FGD5: variants seen among roughly 807,000 people sequenced by gnomAD.
FGD5 encodes the protein FYVE, RhoGEF and PH domain-containing protein 5.
In FGD5, 28 loss-of-function variants were observed where a neutral mutation model predicts 133.4. The observed-to-expected ratio is 0.21, with a 90% confidence interval of 0.16 to 0.29. The LOEUF (loss-of-function observed/expected upper bound fraction) is 0.29. Among genes scored for constraint, FGD5 ranks in the 10% least tolerant of loss-of-function variants. The pLI is 1.00. For synonymous variants in FGD5, 810 were observed against 776.5 expected (o/e 1.04, Z -0.72); for missense variants, 1,858 against 1,895.2 (o/e 0.98, Z 0.36).
In FGD5 at chr3:14,820,255, G is replaced by T. The variant is rs1164315046; in HGVS notation, c.1184G>T (p.Gly395Val). ...EENPMVGALC[G>V]QCGSLQGGAA... ...AACCCCATGGTGGGGGCTTTGTGTG[G>T]CCAGTGTGGCTCCCTACAGGGTGGA... The change falls in exon 1 of 20, where the codon GGC becomes GTC. Residue 395 changes from glycine to valine, a missense_variant. Physicochemically the swap from Gly to Val is moderately radical, Grantham distance 109. Coordinates refer to ENST00000285046, the MANE Select transcript of FGD5 (RefSeq NM_152536.4). 1 of 1,604,220 alleles carries T rather than the reference G, an allele frequency of 6.2e-7. No individual in the cohort carries two copies. The highest frequency in any genetic ancestry group is 8.5e-7 in the Non-Finnish European group (1 of 1,174,594).
At chr3:14,848,089 G>A (rs1237365617) in intron 1 of FGD5, among the ~76,000 whole-genome samples, 1 of 152,134 alleles carries the variant, frequency 6.6e-6, no homozygotes, top group Non-Finnish European at 1.5e-5. Flanking sequence ...AGGAAGTGTC[G>A]GTGTTTACAG....
Position 14,900,462 on chromosome 3 carries a change from A to G in FGD5, c.3205+9A>G. Reference sequence around the variant, plus strand: ...GTACGACAACACACAGGGTGAGTCCAGCGTGAATGCGGAGGGAGGTACTCA... The same window carrying G: ...GTACGACAACACACAGGGTGAGTCCGGCGTGAATGCGGAGGGAGGTACTCA... On this transcript the variant is annotated intron_variant, in intron 8 of 19. Transcript: ENST00000285046. 2 of 1,612,914 alleles carry G rather than the reference A, an allele frequency of 1.2e-6. No homozygotes were observed. The highest frequency in any genetic ancestry group is 1.7e-6 in the Non-Finnish European group (2 of 1,179,470).
chr3:14,838,617 G>A (rs766905028), intron 1 of FGD5, among the ~76,000 whole-genome samples: 3 of 152,176 alleles, frequency 2.0e-5, no homozygotes, highest in Non-Finnish European at 2.9e-5. Flanking sequence ...AATCTTGTCA[G>A]CTCAGAAGTC....
At chr3:14,914,544 C>T (rs952191316) in intron 11 of FGD5, among the ~76,000 whole-genome samples, 2 of 152,208 alleles carry the variant, frequency 1.3e-5, no homozygotes, top group Admixed American at 1.3e-4. Context: ...GCAGCAGGAA[C>T]TTGAGGGGCC....
chr3:14,888,430 C>G (rs1363415942), intron 4 of FGD5, among the ~76,000 whole-genome samples: 2 of 152,162 alleles, frequency 1.3e-5, no homozygotes, highest in Non-Finnish European at 2.9e-5. Flanking sequence ...GTAACCCAGC[C>G]CCAGCTGTGC....
chr3:14,854,088 C>T (rs1042197965), intron 1 of FGD5, among the ~76,000 whole-genome samples: 6 of 152,036 alleles, frequency 3.9e-5, no homozygotes, highest in Non-Finnish European at 7.4e-5. Context: ...TGACTCCCAC[C>T]GTGAACCTCC....
chr3:14,866,364 C>T (rs919417035), intron 2 of FGD5, among the ~76,000 whole-genome samples: 4 of 152,074 alleles, frequency 2.6e-5, no homozygotes, highest in African/African-American at 9.7e-5. Flanking sequence ...GAGGGCCTGT[C>T]CTGCTCAGAA....
intron 11 of FGD5, 61 bp downstream of exon 11, chr3:14,910,990 G>A: frequency 6.6e-7 from 1 of 1,517,054 alleles, no homozygotes; most frequent in Non-Finnish European, 9.0e-7. Context: ...GTTTTCTAGG[G>A]CCATTATTCA....
In FGD5 at chr3:14,922,389, T is replaced by C; in HGVS notation, c.3670-22T>C. The C allele has an allele frequency of 6.4e-7, 1 of 1,559,396 alleles. No homozygotes were observed. The highest frequency in any genetic ancestry group is 8.7e-7 in the Non-Finnish European group (1 of 1,151,454). On this transcript the variant is annotated intron_variant, in intron 14 of 19. Transcript: ENST00000285046. This position sits in a 1 kb window ranked among gnomAD's most constrained non-coding sequence, Gnocchi z 4.1. ...GTCTCCTGGCCACATTCCACATTAC[T>C]CAGCCAATTCTGTTGCTGCAGATAC...
At chr3:14,853,287 A>G (rs1461268960) in intron 1 of FGD5, among the ~76,000 whole-genome samples, 1 of 152,198 alleles carries the variant, frequency 6.6e-6, no homozygotes, top group Non-Finnish European at 1.5e-5. Context: ...TGAAGGATTC[A>G]GCAAAGGAGT....
chr3:14,896,301 T>A (rs6775335), intron 4 of FGD5, among the ~76,000 whole-genome samples: 1 of 151,978 alleles, frequency 6.6e-6, no homozygotes, highest in African/African-American at 2.4e-5. Context: ...GATTTATATG[T>A]AACCACAAAA....
rs1191918918 is a variant in FGD5 at position 14,902,583 on chromosome 3, G to A, written c.3264+1522G>A. On this transcript the variant is annotated intron_variant, in intron 9 of 19. Transcript: ENST00000285046. ...GAATACACAGGCCAGTTTCCGGGCC[G>A]TTTTCCATGTGGGTCAGACATGCCC... 7.9e-5 allele frequency among the ~76,000 whole-genome samples: 12 copies of A among 152,168 alleles called. 1 individual carries two copies. Among genetic ancestry groups the A allele is most frequent in the Admixed American group, 1.3e-4 (2 of 15,286 alleles).
intron 4 of FGD5, among the ~76,000 whole-genome samples, chr3:14,894,662 C>T (rs2038097953): frequency 6.8e-6 from 1 of 146,006 alleles, no homozygotes; most frequent in Non-Finnish European, 1.5e-5. Flanking sequence ...ACCACAGGTG[C>T]AGGTCCAGCT....
rs201010968 is a variant in FGD5, at chr3:14,880,746, G to A, written c.2722G>A (p.Val908Met). 8.1e-6 allele frequency: 13 copies of A among 1,614,044 alleles called. No individual in the cohort carries two copies. The Middle Eastern group carries it at 6.6e-4, about 82-fold the overall frequency. Residue 908 changes from valine (V) to methionine (M), a missense_variant, in exon 4 of 20, where the codon GTG becomes ATG. Physicochemically the swap from Val to Met is conservative, Grantham distance 21. Coordinates refer to ENST00000285046, the MANE Select transcript of FGD5 (RefSeq NM_152536.4). ...QELLSSEKAY[V>M]EMLQHLNLDF... ...CAACCCTCTTTCCCTCTGCAGATAC[G>A]TGGAGATGCTCCAGCACTTAAATCT...
chr3:14,892,962 A>G (rs1299840272), intron 4 of FGD5, among the ~76,000 whole-genome samples: 2 of 152,182 alleles, frequency 1.3e-5, no homozygotes, highest in Non-Finnish European at 2.9e-5. Context: ...GGTGATTTGA[A>G]CTTCTCCATT....
chr3:14,843,017 A>T (rs776794997), intron 1 of FGD5, among the ~76,000 whole-genome samples: 3 of 152,210 alleles, frequency 2.0e-5, no homozygotes, highest in African/African-American at 7.2e-5. Context: ...AGTGTTTGTT[A>T]TATTTATCAA....
At position 14,927,091 on chromosome 3, in the gene FGD5, T is replaced by G. The variant is rs372930635; in HGVS notation, c.4197+893T>G. Among the ~76,000 whole-genome samples, 24 of 152,312 alleles carry G rather than the reference T, an allele frequency of 1.6e-4. No homozygotes were observed. The East Asian group carries it at 3.7e-3, about 23-fold the overall frequency. Reference sequence around the variant, plus strand: ...CAGAGGATGGCTTTCTAGAAGAAATTGCTTTGGAGCCATACTTAAACACTT... The same window carrying G: ...CAGAGGATGGCTTTCTAGAAGAAATGGCTTTGGAGCCATACTTAAACACTT... On this transcript the variant is annotated intron_variant, in intron 18 of 19. Coordinates refer to ENST00000285046, the MANE Select transcript of FGD5 (RefSeq NM_152536.4).
At chr3:14,860,198 T>C (rs889249584) in intron 1 of FGD5, among the ~76,000 whole-genome samples, 8 of 152,168 alleles carry the variant, frequency 5.3e-5, no homozygotes, top group Admixed American at 4.6e-4. Context: ...CACCCCTAGG[T>C]ATGCCGTGGC....
upstream of FGD5, among the ~76,000 whole-genome samples, chr3:14,815,331 G>A (rs731580): frequency 0.31 from 46,831 of 150,782 alleles, 8,905 homozygotes; most frequent in Middle Eastern, 0.43. Flanking sequence ...AGCCTATGCT[G>A]GTCACTCTAT....
Sources: allele counts gnomAD v4.1 joint callset (sites outside exome capture counted in the v4.1 genomes callset), GRCh38; gene constraint gnomAD v4.1.1; non-coding constraint Gnocchi (gnomAD v3.1); transcripts MANE v1.5; gene names NCBI Gene and HGNC (gene_info 2026-07-23, HGNC 2026-07-21).